CPNE4: variants seen among roughly 807,000 people sequenced by gnomAD.
CPNE4 encodes the protein copine-4.
A neutral mutation model predicts 67.9 loss-of-function variants in CPNE4; 25 were observed. The observed-to-expected ratio is 0.37, with a 90% CI of 0.27 to 0.51. The LOEUF is 0.51. CPNE4 is among the 20% of genes least tolerant of loss of function. The pLI is 0.93. For synonymous variants in CPNE4, 242 were observed against 244.9 expected (o/e 0.99, Z 0.11); for missense variants, 464 against 690.8 (o/e 0.67, Z 3.68).
intron 2 of CPNE4, among the ~76,000 whole-genome samples, chr3:131,760,796 C>T (rs2082867023): frequency 6.6e-6 from 1 of 152,124 alleles, no homozygotes; most frequent in Non-Finnish European, 1.5e-5. Flanking sequence ...AATTTGGAAA[C>T]AAACTAATGT....
At chr3:131,672,920 A>G (rs374313018) in intron 6 of CPNE4, among the ~76,000 whole-genome samples, 14 of 152,006 alleles carry the variant, frequency 9.2e-5, no homozygotes, top group African/African-American at 3.1e-4. Context: ...ACCCAGTCCA[A>G]TGACTTAGAG....
chr3:131,664,146 G>A (rs1338716994), intron 7 of CPNE4, among the ~76,000 whole-genome samples: 2 of 152,092 alleles, frequency 1.3e-5, no homozygotes, highest in Non-Finnish European at 2.9e-5. Flanking sequence ...GTGATTAAAT[G>A]GTCTCAGGGT....
intron 7 of CPNE4, among the ~76,000 whole-genome samples, chr3:131,590,183 G>A (rs1938441635): frequency 6.6e-6 from 1 of 152,168 alleles, no homozygotes. Context: ...TTATGCTGAT[G>A]GTGACTTGGA....
intron 1 of CPNE4, among the ~76,000 whole-genome samples, chr3:131,907,518 ACT>A (rs923431819): frequency 1.4e-5 from 2 of 138,812 alleles, no homozygotes; most frequent in Non-Finnish European, 3.1e-5. Flanking sequence ...ACACACACAC[ACT>A]CAATCACACC....
At chr3:131,944,742 G>GT (rs902816817) in intron 1 of CPNE4, among the ~76,000 whole-genome samples, 3 of 136,306 alleles carry the variant, frequency 2.2e-5, no homozygotes, top group Non-Finnish European at 5.1e-5. Context: ...CTAAGATACT[G>GT]TTTTTTGAAG....
At chr3:131,897,601 A>G (rs2088387296) in intron 2 of CPNE4, among the ~76,000 whole-genome samples, 1 of 152,116 alleles carries the variant, frequency 6.6e-6, no homozygotes, top group African/African-American at 2.4e-5. Flanking sequence ...CTCAATAAAA[A>G]TAGAAAAAAA....
intron 1 of CPNE4, among the ~76,000 whole-genome samples, chr3:131,917,410 C>A (rs1379766671): frequency 6.6e-6 from 1 of 152,056 alleles, no homozygotes; most frequent in East Asian, 1.9e-4. Flanking sequence ...GAAGATACAT[C>A]GTGTTTGTCG....
intron 2 of CPNE4, among the ~76,000 whole-genome samples, chr3:131,818,163 G>T (rs2137606): frequency 0.59 from 90,024 of 152,008 alleles, 27,206 homozygotes; most frequent in East Asian, 0.82. Context: ...TTTTTTTTGG[G>T]AAAACACAAA....
intron 2 of CPNE4, among the ~76,000 whole-genome samples, chr3:131,892,157 T>C (rs531296774): frequency 2.0e-5 from 3 of 152,190 alleles, no homozygotes; most frequent in African/African-American, 4.8e-5. Context: ...ACTGCCCCTA[T>C]AAAAATCCTT....
chr3:132,010,703 ACT>A (rs1268769344), intron 1 of CPNE4, among the ~76,000 whole-genome samples: 2 of 151,932 alleles, frequency 1.3e-5, no homozygotes, highest in African/African-American at 4.8e-5. Flanking sequence ...AGGGGCCGTG[ACT>A]CTCTTCATTG....
chr3:131,952,766 C>G (rs143338982), intron 1 of CPNE4, among the ~76,000 whole-genome samples: 22,779 of 152,046 alleles, frequency 0.15, 2,282 homozygotes, highest in East Asian at 0.33. Context: ...TGAGAACGGG[C>G]CAGGATGACC....
chr3:131,787,578 C>T (rs2083601575), intron 2 of CPNE4, among the ~76,000 whole-genome samples: 1 of 152,118 alleles, frequency 6.6e-6, no homozygotes, highest in Non-Finnish European at 1.5e-5. Context: ...CTCTGATGAT[C>T]ACCCTTCCTA....
At chr3:131,647,843 A>G (rs977259709) in intron 7 of CPNE4, among the ~76,000 whole-genome samples, 3 of 152,170 alleles carry the variant, frequency 2.0e-5, no homozygotes, top group African/African-American at 7.2e-5. Flanking sequence ...TTTATTGCTT[A>G]AATAAGTCTC....
At chr3:131,547,959 G>A (rs1935965039) in intron 14 of CPNE4, among the ~76,000 whole-genome samples, 1 of 152,116 alleles carries the variant, frequency 6.6e-6, no homozygotes, top group Non-Finnish European at 1.5e-5. Context: ...ACAAAATTTT[G>A]CTTCAAACTT....
Position 131,552,462 on chromosome 3 carries a change from A to G in CPNE4, c.1146T>C (p.Asn382=). The G allele has an allele frequency of 6.2e-7, 1 of 1,612,828 alleles. No individual in the cohort carries two copies. Among genetic ancestry groups the G allele is most frequent in the Non-Finnish European group, 8.5e-7 (1 of 1,179,188 alleles). The change falls in exon 13 of 16, where the codon AAT becomes AAC. Residue 382 remains asparagine (N), a synonymous_variant. Transcript: ENST00000429747. The part of the protein sequence containing the change: ...TVSHDFAINF[N]EDNPECAGIQ... ...TACCTGCACATTCTGGGTTGTCTTC[A>G]TTAAAGTTGATTGCAAAGTCATGAG... is the stretch of plus-strand genomic sequence containing the variant.
At chr3:131,645,319 C>G (rs746452275) in intron 7 of CPNE4, among the ~76,000 whole-genome samples, 3 of 152,110 alleles carry the variant, frequency 2.0e-5, no homozygotes, top group Admixed American at 6.5e-5. Flanking sequence ...AACACTGACT[C>G]TCTGCAGGAG....
At chr3:132,035,145 G>A, upstream of CPNE4, 5 of 818,802 alleles carry the variant, frequency 6.1e-6, no homozygotes, top group Non-Finnish European at 4.4e-6. Context: ...AGGCCTTGGC[G>A]GCGGCGCTCT....
chr3:131,653,016 A>G (rs1038488429), intron 7 of CPNE4, among the ~76,000 whole-genome samples: 1 of 152,104 alleles, frequency 6.6e-6, no homozygotes, highest in African/African-American at 2.4e-5. Context: ...TTTTTCATCC[A>G]CGTGACCAAT....
intron 7 of CPNE4, among the ~76,000 whole-genome samples, chr3:131,615,363 C>T (rs1342997313): frequency 2.0e-5 from 3 of 152,120 alleles, no homozygotes; most frequent in Non-Finnish European, 4.4e-5. Context: ...AATAGATTAT[C>T]ACAGAAAATA....
Sources: gnomAD v4.1 joint callset for allele counts (sites outside exome capture counted in the v4.1 genomes callset) on GRCh38, gnomAD v4.1.1 for gene constraint, MANE v1.5 for transcripts, NCBI Gene and HGNC (gene_info 2026-07-23, HGNC 2026-07-21) for gene names.